TRAPPC8: variants seen among roughly 807,000 people sequenced by gnomAD.
The protein encoded by TRAPPC8 is general sporulation gene 1 homolog.
TRAPPC8 carries 54 observed loss-of-function variants against 174.3 expected under a neutral mutation model. The ratio of observed to expected loss-of-function variants is 0.31; its 90% CI spans 0.25 to 0.39. The LOEUF (loss-of-function observed/expected upper bound fraction) is 0.39. Among genes scored for constraint, TRAPPC8 ranks in the 10% least tolerant of loss-of-function variants. The pLI, the probability that TRAPPC8 is intolerant of heterozygous loss-of-function variation, is 1.00. For synonymous variants in TRAPPC8, 630 were observed against 579.9 expected, an observed-to-expected ratio of 1.09 and a Z score of -1.24; for missense variants, 1,531 against 1,699.1, an observed-to-expected ratio of 0.90 and a Z score of 1.74.
intron 19 of TRAPPC8, among the ~76,000 whole-genome samples, chr18:31,864,031 CTATAAAA>C (rs1386138581): frequency 2.7e-5 from 4 of 147,258 alleles, no homozygotes; most frequent in South Asian, 4.2e-4. Flanking sequence ...ATAATATGTT[CTATAAAA>C]TATAAAATAT....
chr18:31,904,459 G>C (rs755552401), intron 9 of TRAPPC8, among the ~76,000 whole-genome samples: 5 of 152,060 alleles, frequency 3.3e-5, no homozygotes, highest in Non-Finnish European at 7.4e-5. Context: ...TGAGAGGGGA[G>C]AATAGCAGGA....
chr18:31,887,511 T>A (rs1363716228), intron 12 of TRAPPC8, among the ~76,000 whole-genome samples: 1 of 151,984 alleles, frequency 6.6e-6, no homozygotes, highest in Non-Finnish European at 1.5e-5. Context: ...CCGGGTGTGA[T>A]GGCAGGTGCC....
chr18:31,942,982 C>T lies in TRAPPC8; in HGVS notation c.-218G>A. 1.0e-6 allele frequency: 1 copy of T among 966,630 alleles called. No individual in the cohort carries two copies. Among genetic ancestry groups the T allele is most frequent in the Non-Finnish European group, 1.3e-6 (1 of 743,736 alleles). 59.9% of individuals were successfully genotyped at this position (966,630 alleles called of 1,614,324 possible). On this transcript the variant is annotated 5_prime_UTR_variant, in exon 1 of 29. Coordinates refer to ENST00000283351, the MANE Select transcript of TRAPPC8 (RefSeq NM_014939.5). ...CCTTCCCGTCACCGCCGCTTCTCAG[C>T]GCTCGTCCCCGCGTGCTCGCATTCC...
At chr18:31,940,649 C>G (rs1200500677) in intron 1 of TRAPPC8, among the ~76,000 whole-genome samples, 2 of 151,858 alleles carry the variant, frequency 1.3e-5, no homozygotes, top group Non-Finnish European at 1.5e-5. Context: ...CAGGCGCCCA[C>G]CACCACGCCC....
chr18:31,890,871 T>G lies in TRAPPC8; in HGVS notation c.1597-5A>C. 1 of 1,599,528 alleles carries G rather than the reference T, an allele frequency of 6.3e-7. No individual in the cohort carries two copies. On this transcript the variant is annotated splice_region_variant and splice_polypyrimidine_tract_variant and intron_variant, in intron 11 of 28. Transcript: ENST00000283351. The stretch of plus-strand genomic sequence containing the variant: ...TGCACTTCGAAGATCAGAATCCTAG[T>G]GAATGTTTAAAAGAGAAAAAGGTTA...
At chr18:31,904,221 G>A (rs1428071679) in intron 9 of TRAPPC8, among the ~76,000 whole-genome samples, 1 of 149,190 alleles carries the variant, frequency 6.7e-6, no homozygotes, top group Non-Finnish European at 1.5e-5. Flanking sequence ...GGGCAACAGA[G>A]CAAGACCTTG....
chr18:31,874,434 A>G (rs1172805893), intron 13 of TRAPPC8, 46 bp downstream of exon 13: 2 of 1,526,334 alleles, frequency 1.3e-6, no homozygotes, highest in Admixed American at 3.4e-5. Context: ...CTTTCACACT[A>G]AAATACAGTT....
At chr18:31,941,168 C>A (rs1345305971) in intron 1 of TRAPPC8, among the ~76,000 whole-genome samples, 2 of 152,200 alleles carry the variant, frequency 1.3e-5, no homozygotes, top group African/African-American at 2.4e-5. Context: ...CAAGGCCGGG[C>A]GCGGTGGCTC....
intron 20 of TRAPPC8, 101 bp from the exon 21 acceptor site, chr18:31,855,908 G>A (rs1440376893): frequency 1.6e-6 from 2 of 1,272,390 alleles, no homozygotes; most frequent in East Asian, 5.3e-5. Context: ...TCACTCTCAG[G>A]ACCATTTATA....
At chr18:31,885,793 G>A (rs2035679791) in intron 12 of TRAPPC8, among the ~76,000 whole-genome samples, 1 of 151,680 alleles carries the variant, frequency 6.6e-6, no homozygotes, top group Admixed American at 6.6e-5. Context: ...CTGGGAGGCG[G>A]AGGTTGCAGT....
intron 26 of TRAPPC8, among the ~76,000 whole-genome samples, chr18:31,842,012 A>C (rs1568034487): frequency 6.6e-6 from 1 of 152,176 alleles, no homozygotes; most frequent in South Asian, 2.1e-4. Flanking sequence ...CTGGGACTAA[A>C]GGCATGTACC....
Position 31,907,444 on chromosome 18 carries a change from AC to A in TRAPPC8, c.1389+15del. ...GGTAGCAGAATTAAGGAATTATAATACCATAGAATACCAACCAAGGCACCAG... is the reference window on the plus strand; with the variant it reads ...GGTAGCAGAATTAAGGAATTATAATACATAGAATACCAACCAAGGCACCAG... On this transcript the variant is annotated intron_variant, in intron 9 of 28. Transcript: ENST00000283351. The A allele has an allele frequency of 6.4e-7, 1 of 1,558,560 alleles. No homozygotes were observed. Among genetic ancestry groups the A allele is most frequent in the Non-Finnish European group, 8.7e-7 (1 of 1,151,186 alleles).
At chr18:31,881,541 T>C (rs1450223732) in intron 12 of TRAPPC8, among the ~76,000 whole-genome samples, 1 of 151,878 alleles carries the variant, frequency 6.6e-6, no homozygotes, top group African/African-American at 2.4e-5. Flanking sequence ...TATAAAAAAA[T>C]CCTAGAAGAA....
intron 24 of TRAPPC8, among the ~76,000 whole-genome samples, chr18:31,850,265 A>G (rs1357161725): frequency 6.6e-6 from 1 of 152,260 alleles, no homozygotes; most frequent in South Asian, 2.1e-4. Flanking sequence ...GTTACCCTGA[A>G]TCTTAAAGCC....
chr18:31,885,680 G>C (rs745978882), intron 12 of TRAPPC8, among the ~76,000 whole-genome samples: 1 of 151,850 alleles, frequency 6.6e-6, no homozygotes, highest in Non-Finnish European at 1.5e-5. Flanking sequence ...CCAACATGGA[G>C]AAACCCTGTC....
Position 31,830,970 on chromosome 18 carries a change from G to A in TRAPPC8, c.4093C>T (p.His1365Tyr). The A allele has an allele frequency of 6.2e-7, 1 of 1,612,532 alleles. No individual in the cohort carries two copies. Among genetic ancestry groups the A allele is most frequent in the Non-Finnish European group, 8.5e-7 (1 of 1,178,822 alleles). ...TGTCCAAGCCATGTGAATGATCCAT[G>A]GATTTCCAGTGCTTCTGGACTAAGG... Reference protein sequence around the residue: ...KTTSPEALEIHGSFTWLGQTQ... With the variant: ...KTTSPEALEIYGSFTWLGQTQ... The change falls in exon 29 of 29, where the codon CAT (histidine) becomes TAT (tyrosine). Residue 1365 changes from histidine (H) to tyrosine (Y), a missense_variant. His to Tyr is a moderately conservative substitution (Grantham distance 83). Transcript: ENST00000283351.
At chr18:31,937,646 G>T (rs1397036458) in intron 1 of TRAPPC8, 1 of 151,656 alleles carries the variant, frequency 6.6e-6, no homozygotes, top group African/African-American at 2.4e-5. Context: ...AAAAGAAAAA[G>T]AAATTTAAGA....
At chr18:31,932,144 C>A (rs1373710521) in intron 1 of TRAPPC8, among the ~76,000 whole-genome samples, 4 of 151,946 alleles carry the variant, frequency 2.6e-5, no homozygotes, top group Non-Finnish European at 5.9e-5. Flanking sequence ...AAAAAAAAAA[C>A]TCTGGCCAGG....
At chr18:31,942,151 A>G (rs1428975536) in intron 1 of TRAPPC8, among the ~76,000 whole-genome samples, 1 of 152,226 alleles carries the variant, frequency 6.6e-6, no homozygotes, top group African/African-American at 2.4e-5. Context: ...ACGCTACAAG[A>G]ATGTAATAAC....
Sources: allele counts gnomAD v4.1 joint callset (sites outside exome capture counted in the v4.1 genomes callset), GRCh38; gene constraint gnomAD v4.1.1; transcripts MANE v1.5; gene names NCBI Gene and HGNC (gene_info 2026-07-23, HGNC 2026-07-21).